PDZD8: variants seen among roughly 807,000 people sequenced by gnomAD.
PDZD8 encodes PDZ domain-containing protein 8.
A neutral mutation model predicts 85.8 loss-of-function variants in PDZD8; 14 were observed. The ratio of observed to expected loss-of-function variants is 0.16; its 90% confidence interval spans 0.11 to 0.26. The LOEUF is 0.26. Ranked by LOEUF, PDZD8 falls within the 10% of genes least tolerant of loss-of-function variation. PDZD8 has a pLI of 1.00. For missense variants in PDZD8, 1,197 were observed against 1,424.3 expected, an observed-to-expected ratio of 0.84 and a Z score of 2.57; for synonymous variants, 592 against 568.6, an observed-to-expected ratio of 1.04 and a Z score of -0.59.
chr10:117,375,090 G>C lies in PDZD8; in HGVS notation c.138C>G (p.Arg46=). The C allele has an allele frequency of 6.3e-7, 1 of 1,598,656 alleles. No homozygotes were observed. ...DEAARAGEGF[R]YIKPVPGLLL... Reference sequence around the variant, plus strand: ...GCAGGCCCGGCACTGGCTTGATGTAGCGGAAGCCCTCGCCCGCGCGGGCGG... The same window carrying C: ...GCAGGCCCGGCACTGGCTTGATGTACCGGAAGCCCTCGCCCGCGCGGGCGG... Residue 46 remains arginine (R), a synonymous_variant, in exon 1 of 5, where the codon CGC becomes CGG. Coordinates refer to ENST00000334464, the MANE Select transcript of PDZD8 (RefSeq NM_173791.5).
intron 3 of PDZD8, among the ~76,000 whole-genome samples, chr10:117,303,673 C>T (rs956103747): frequency 6.6e-6 from 1 of 152,234 alleles, no homozygotes; most frequent in Non-Finnish European, 1.5e-5. Flanking sequence ...ATGGGCTGGG[C>T]CCAGGGTCCC....
intron 3 of PDZD8, among the ~76,000 whole-genome samples, chr10:117,305,768 G>A (rs1270977195): frequency 6.6e-6 from 1 of 152,168 alleles, no homozygotes; most frequent in Non-Finnish European, 1.5e-5. Flanking sequence ...TTAATGGATA[G>A]CTAAGAAGCT....
intron 2 of PDZD8, among the ~76,000 whole-genome samples, chr10:117,335,394 G>A (rs755753085): frequency 1.3e-5 from 2 of 152,070 alleles, no homozygotes; most frequent in Admixed American, 6.5e-5. Context: ...CAACAGAAAT[G>A]GTAAATATAC....
In PDZD8 at chr10:117,374,412, G is replaced by T; in HGVS notation, c.816C>A (p.Val272=). ...RPMPQLTSII[V]NQLKKIIKRK... ...GCTTGATGATCTTCTTGAGCTGGTT[G>T]ACGATGATGGAGGTGAGCTGGGGCA... The change falls in exon 1 of 5, where the codon GTC becomes GTA. Residue 272 remains valine, a synonymous_variant. Coordinates refer to ENST00000334464, the MANE Select transcript of PDZD8 (RefSeq NM_173791.5). The surrounding 1 kb of genome is among the most constrained non-coding windows in gnomAD (Gnocchi z 7.8). The T allele has an allele frequency of 6.2e-7, 1 of 1,614,248 alleles. No homozygotes were observed. Among genetic ancestry groups the T allele is most frequent in the South Asian group, 1.1e-5 (1 of 91,084 alleles).
chr10:117,363,369 T>G (rs1845030139), intron 1 of PDZD8, among the ~76,000 whole-genome samples: 1 of 152,126 alleles, frequency 6.6e-6, no homozygotes. Flanking sequence ...AAGTTGTATC[T>G]GAGAACAGAA....
chr10:117,342,706 G>A (rs1844637120), intron 1 of PDZD8, among the ~76,000 whole-genome samples: 1 of 152,146 alleles, frequency 6.6e-6, no homozygotes, highest in Admixed American at 6.5e-5. Context: ...TTGAACTCCT[G>A]ACCTCAAGTG....
At chr10:117,343,639 A>G (rs1234301251) in intron 1 of PDZD8, among the ~76,000 whole-genome samples, 1 of 152,252 alleles carries the variant, frequency 6.6e-6, no homozygotes, top group Non-Finnish European at 1.5e-5. Context: ...TGTCAAATAT[A>G]AAGTCAAAAT....
intron 1 of PDZD8, among the ~76,000 whole-genome samples, chr10:117,373,813 T>A (rs1231792103): frequency 6.6e-6 from 1 of 151,868 alleles, no homozygotes; most frequent in African/African-American, 2.4e-5. Context: ...ACAAAAGTAT[T>A]CCTTTGCAAG....
intron 1 of PDZD8, among the ~76,000 whole-genome samples, chr10:117,372,710 G>A (rs1845214968): frequency 1.3e-5 from 2 of 152,194 alleles, no homozygotes; most frequent in East Asian, 1.9e-4. Context: ...ACCAGAAATC[G>A]AACACAGTGA....
intron 1 of PDZD8, among the ~76,000 whole-genome samples, chr10:117,346,660 C>T (rs1354595842): frequency 4.6e-5 from 7 of 151,868 alleles, no homozygotes; most frequent in Non-Finnish European, 7.4e-5. Flanking sequence ...TATGTAAATG[C>T]CAGCAGCTGT....
chr10:117,364,209 AGAGT>A lies in PDZD8; in HGVS notation c.872+10143_872+10146del, dbSNP rs1218452293. 1.1e-4 allele frequency among the ~76,000 whole-genome samples: 15 copies of A among 131,672 alleles called. No individual in the cohort carries two copies. The East Asian group carries it at 3.0e-3, about 27-fold the overall frequency. The allele number at this position is 131,672 out of a possible 152,430, so 86.4% of individuals were successfully genotyped here. A position where few individuals can be genotyped will look rare whatever the true frequency, so the allele number is the denominator to read the frequency against. On this transcript the variant is annotated intron_variant, in intron 1 of 4. Coordinates refer to ENST00000334464, the MANE Select transcript of PDZD8 (RefSeq NM_173791.5). ...GTGTGTGTGTGTGTGTGTGTGTGTG[AGAGT>A]GTGTGTGTGTCTGTGTGTCTGTCTG...
chr10:117,320,717 T>G (rs1157917094), intron 2 of PDZD8, among the ~76,000 whole-genome samples: 1 of 151,810 alleles, frequency 6.6e-6, no homozygotes, highest in Non-Finnish European at 1.5e-5. Context: ...TTAAAGTAAA[T>G]GAAAAAACAA....
intron 2 of PDZD8, among the ~76,000 whole-genome samples, chr10:117,323,720 C>T (rs1435773777): frequency 2.0e-5 from 3 of 152,168 alleles, no homozygotes; most frequent in Non-Finnish European, 4.4e-5. Flanking sequence ...ACAAGACCTA[C>T]CTGGATCTAC....
At chr10:117,313,845 A>G (rs1490468731) in intron 3 of PDZD8, among the ~76,000 whole-genome samples, 1 of 152,156 alleles carries the variant, frequency 6.6e-6, no homozygotes, top group Non-Finnish European at 1.5e-5. Flanking sequence ...ATAATAAGCC[A>G]GACTGTCTCT....
intron 1 of PDZD8, among the ~76,000 whole-genome samples, chr10:117,344,190 C>G (rs1844664941): frequency 6.6e-6 from 1 of 152,128 alleles, no homozygotes; most frequent in Non-Finnish European, 1.5e-5. Context: ...GATCTGCTCC[C>G]CAGTGAAATT....
At chr10:117,355,299 G>A (rs1844874615) in intron 1 of PDZD8, among the ~76,000 whole-genome samples, 1 of 151,986 alleles carries the variant, frequency 6.6e-6, no homozygotes, top group Non-Finnish European at 1.5e-5. Context: ...TCTGTAACCC[G>A]TCCCTCTCCT....
intron 3 of PDZD8, among the ~76,000 whole-genome samples, chr10:117,315,667 C>A (rs1169297354): frequency 6.7e-6 from 1 of 149,658 alleles, no homozygotes; most frequent in Non-Finnish European, 1.5e-5. Context: ...TGGTCAGTGG[C>A]AAGAAAACTC....
At chr10:117,322,117 A>C (rs1360596659) in intron 2 of PDZD8, among the ~76,000 whole-genome samples, 1 of 152,190 alleles carries the variant, frequency 6.6e-6, no homozygotes, top group Non-Finnish European at 1.5e-5. Context: ...TGGGTGCACT[A>C]AACAAAAATT....
chr10:117,305,505 CACACACACACAT>C (rs1439531052), intron 3 of PDZD8, among the ~76,000 whole-genome samples: 13 of 103,548 alleles, frequency 1.3e-4, no homozygotes, highest in Admixed American at 7.5e-4. Flanking sequence ...CACACACACA[CACACACACACAT>C]ATATGGAGAG....
Sources: allele counts gnomAD v4.1 joint callset (sites outside exome capture counted in the v4.1 genomes callset), GRCh38; gene constraint gnomAD v4.1.1; non-coding constraint Gnocchi (gnomAD v3.1); transcripts MANE v1.5; gene names NCBI Gene and HGNC (gene_info 2026-07-23, HGNC 2026-07-21).